The following MEGF8 variants were observed in gnomAD, a reference collection of about 807,000 sequenced individuals.
The protein encoded by MEGF8 is multiple epidermal growth factor-like domains protein 8.
A neutral mutation model predicts 302.9 loss-of-function variants in MEGF8; 156 were observed. The observed-to-expected ratio is 0.52, with a 90% CI of 0.45 to 0.59. MEGF8 has a LOEUF of 0.59. Ranked by LOEUF, MEGF8 falls within the 20% of genes least tolerant of loss-of-function variation. MEGF8 has a pLI of 0.00. For missense variants in MEGF8, 3,345 were observed against 3,964.5 expected (o/e 0.84, Z 4.20); for synonymous variants, 1,621 against 1,660.5 (o/e 0.98, Z 0.58).
At chr19:42,348,206 C>A (rs1404886034) in intron 12 of MEGF8, 66 bp from the exon 13 acceptor site, 1 of 1,410,368 alleles carries the variant, frequency 7.1e-7, no homozygotes, top group Non-Finnish European at 9.5e-7. Flanking sequence ...CCAGTCTTTT[C>A]TGGCTCTGAT....
At chr19:42,337,547 C>A (rs1222101963) in intron 8 of MEGF8, among the ~76,000 whole-genome samples, 7 of 149,754 alleles carry the variant, frequency 4.7e-5, no homozygotes, top group South Asian at 2.1e-4. Context: ...TCGCTGTTGC[C>A]CAGGCTGGAG....
rs754995245 is a variant in MEGF8 at position 42,333,706 on chromosome 19, C to G, written c.289C>G (p.Pro97Ala). The change falls in exon 2 of 42, where the codon CCG becomes GCG. Residue 97 changes from proline (P) to alanine (A), a missense_variant. Coordinates refer to ENST00000251268, the MANE Select transcript of MEGF8 (RefSeq NM_001271938.2). The stretch of plus-strand genomic sequence containing the variant: ...GTATGACGGTGACTCCCCGCGAGGG[C>G]CGCTGCTTGCCAGTCTAAGTGGGAG... Reference protein sequence around the residue: ...FVYDGDSPRGPLLASLSGSTR... With the variant: ...FVYDGDSPRGALLASLSGSTR... 4 of 1,614,014 alleles carry G rather than the reference C, an allele frequency of 2.5e-6. No homozygotes were observed. The Admixed American group carries it at 6.7e-5, about 27-fold the overall frequency.
chr19:42,353,478 G>C lies in MEGF8; in HGVS notation c.3564G>C (p.Gly1188=). 1 of 1,610,524 alleles carries C rather than the reference G, an allele frequency of 6.2e-7. No homozygotes were observed. The part of the protein sequence containing the change: ...FCDECQDWTW[G]EHCERCRPGS... ...GGGCCTCCACAGACTGGACATGGGG[G>C]GAGCACTGCGAACGATGCCGGCCCG... is the stretch of plus-strand genomic sequence containing the variant. Residue 1188 remains glycine (G), a synonymous_variant, in exon 21 of 42, where the codon GGG becomes GGC. Coordinates refer to ENST00000251268, the MANE Select transcript of MEGF8 (RefSeq NM_001271938.2). This position sits in a 1 kb window ranked among gnomAD's most constrained non-coding sequence, Gnocchi z 6.1.
chr19:42,361,729 C>A (rs1162646247), intron 32 of MEGF8, among the ~76,000 whole-genome samples: 2 of 151,908 alleles, frequency 1.3e-5, no homozygotes, highest in Admixed American at 6.6e-5. Flanking sequence ...CGGGCCTGGG[C>A]AGTGAGATCC....
rs766064922 is a variant in MEGF8 at position 42,369,731 on chromosome 19, G to T, written c.6834+8G>T. On this transcript the variant is annotated splice_region_variant and intron_variant, in intron 38 of 41. Coordinates refer to ENST00000251268, the MANE Select transcript of MEGF8 (RefSeq NM_001271938.2). This position sits in a 1 kb window ranked among gnomAD's most constrained non-coding sequence, Gnocchi z 5.7. ...TGCCGCAACCACACCAAGGTGGGCC[G>T]CCCGGAGCCTCAGACCCCCGACCCT... The T allele has an allele frequency of 2.1e-5, 34 of 1,593,590 alleles. No individual in the cohort carries two copies. Among genetic ancestry groups the T allele is most frequent in the Non-Finnish European group, 2.2e-5 (26 of 1,171,596 alleles).
intron 1 of MEGF8, among the ~76,000 whole-genome samples, chr19:42,327,740 T>C (rs749072726): frequency 1.3e-5 from 2 of 152,332 alleles, no homozygotes; most frequent in Middle Eastern, 3.4e-3. Flanking sequence ...AGAATAGCTG[T>C]GCAAAGGCGG....
In MEGF8 at chr19:42,351,128, A is replaced by G. The variant is rs1568565109; in HGVS notation, c.2737-88A>G. 8.9e-7 allele frequency: 1 copy of G among 1,121,336 alleles called. No homozygotes were observed. Among genetic ancestry groups the G allele is most frequent in the Non-Finnish European group, 1.3e-6 (1 of 786,548 alleles). 69.5% of individuals were successfully genotyped at this position (1,121,336 alleles called of 1,614,324 possible). A position where few individuals can be genotyped will look rare whatever the true frequency, so the allele number is the denominator to read the frequency against. On this transcript the variant is annotated intron_variant, in intron 15 of 41. Transcript: ENST00000251268. The surrounding 1 kb of genome is among the most constrained non-coding windows in gnomAD (Gnocchi z 5.6). The stretch of plus-strand genomic sequence containing the variant: ...AGATGGCCTTACAGGGACAGTCTGC[A>G]GGGTGGGGCAGGGGGTGGGATGGGC...
At position 42,357,107 on chromosome 19, in the gene MEGF8, A is replaced by T. The variant is rs1309870624; in HGVS notation, c.4830+126A>T. The T allele has an allele frequency of 9.5e-7, 1 of 1,052,302 alleles. No individual in the cohort carries two copies. Among genetic ancestry groups the T allele is most frequent in the Non-Finnish European group, 1.4e-6 (1 of 739,474 alleles). 65.2% of individuals were successfully genotyped at this position (1,052,302 alleles called of 1,614,324 possible). ...GCCCCAAACTTGAATTTCCTCGGCC[A>T]TCCTGGGTCACACTGTTGTCCTGAG... is the stretch of plus-strand genomic sequence containing the variant. On this transcript the variant is annotated intron_variant, in intron 27 of 41. Coordinates refer to ENST00000251268, the MANE Select transcript of MEGF8 (RefSeq NM_001271938.2). This position sits in a 1 kb window ranked among gnomAD's most constrained non-coding sequence, Gnocchi z 5.2.
intron 41 of MEGF8, among the ~76,000 whole-genome samples, chr19:42,374,946 A>G (rs936839647): frequency 1.1e-4 from 17 of 152,206 alleles, no homozygotes; most frequent in Admixed American, 6.5e-5. Context: ...GACAAGTGAC[A>G]GGAGAACCAT....
chr19:42,349,434 CA>C, intron 13 of MEGF8, 64 bp from the exon 14 acceptor site: 1 of 1,447,050 alleles, frequency 6.9e-7, no homozygotes, highest in Non-Finnish European at 9.4e-7. Flanking sequence ...TTGGAGGTAT[CA>C]GGGGTCTGAG....
chr19:42,333,057 T>A (rs960767487), intron 1 of MEGF8, among the ~76,000 whole-genome samples: 3 of 152,190 alleles, frequency 2.0e-5, no homozygotes, highest in African/African-American at 7.2e-5. Context: ...GGTGAGACTC[T>A]GGATGGGGAC....
At position 42,351,821 on chromosome 19, in the gene MEGF8, C is replaced by A; in HGVS notation, c.3101+60C>A. The A allele has an allele frequency of 1.5e-6, 2 of 1,378,874 alleles. No individual in the cohort carries two copies. The highest frequency in any genetic ancestry group is 2.5e-5 in the South Asian group (2 of 79,784). The allele number at this position is 1,378,874 out of a possible 1,614,324, so 85.4% of individuals were successfully genotyped here. A position where few individuals can be genotyped will look rare whatever the true frequency, so the allele number is the denominator to read the frequency against. ...GCTGTGTCCTTCCTCCATGACCGGT[C>A]ATTCTAATGGCCTCTTTGCTTCTCT... On this transcript the variant is annotated intron_variant, in intron 18 of 41. Coordinates refer to ENST00000251268, the MANE Select transcript of MEGF8 (RefSeq NM_001271938.2). This position sits in a 1 kb window ranked among gnomAD's most constrained non-coding sequence, Gnocchi z 5.6.
chr19:42,372,080 C>A (rs970992703), intron 41 of MEGF8, among the ~76,000 whole-genome samples: 88 of 139,430 alleles, frequency 6.3e-4, no homozygotes, highest in South Asian at 2.0e-3. Context: ...AACAAACACA[C>A]ACACACACAC....
At chr19:42,341,406 G>T (rs1480641967) in intron 8 of MEGF8, among the ~76,000 whole-genome samples, 5 of 138,226 alleles carry the variant, frequency 3.6e-5, no homozygotes, top group African/African-American at 1.4e-4. Flanking sequence ...TCCAGCCTGG[G>T]TAACAGAGGG....
chr19:42,360,779 G>T lies in MEGF8; in HGVS notation c.5493G>T (p.Ser1831=). ...NAWLLPDLTR[S]ASVGPPMEES... ...GAATACACCATCTTTCCTCAGGCTC[G>T]GCCTCTGTGGGGCCCCCAATGGAGG... Residue 1831 remains serine (S), a synonymous_variant, in exon 32 of 42, where the codon TCG becomes TCT. Coordinates refer to ENST00000251268, the MANE Select transcript of MEGF8 (RefSeq NM_001271938.2). The T allele has an allele frequency of 6.3e-7, 1 of 1,581,680 alleles. No individual in the cohort carries two copies. The highest frequency in any genetic ancestry group is 2.3e-5 in the East Asian group (1 of 43,202).
rs758384902 is a variant in MEGF8 at position 42,335,378 on chromosome 19, C to G, written c.821C>G (p.Pro274Arg). 2.5e-6 allele frequency: 4 copies of G among 1,613,874 alleles called. No homozygotes were observed. The highest frequency in any genetic ancestry group is 3.4e-6 in the Non-Finnish European group (4 of 1,179,862). ...ANTWESWDLSPAPAARHSHVA... is the reference protein window; with the variant it reads ...ANTWESWDLSRAPAARHSHVA... ...ACCTGGGAGTCTTGGGACCTGAGTC[C>G]TGCCCCGGTATGGACCCCTCCTCTG... The change falls in exon 5 of 42, where the codon CCT becomes CGT. Residue 274 changes from proline to arginine, a missense_variant. Coordinates refer to ENST00000251268, the MANE Select transcript of MEGF8 (RefSeq NM_001271938.2).
rs201847832 is a variant in MEGF8 at position 42,369,689 on chromosome 19, G to A, written c.6800G>A (p.Arg2267His). The change falls in exon 38 of 42, where the codon CGT becomes CAT. Residue 2267 changes from arginine to histidine, a missense_variant. Transcript: ENST00000251268. The surrounding 1 kb of genome is among the most constrained non-coding windows in gnomAD (Gnocchi z 5.7). ...RHSECAGVGA[R>H]DHCLLCRNHT... Reference sequence around the variant, plus strand: ...AGTGAATGCGCTGGTGTTGGGGCGCGTGACCACTGCTTGCTCTGCCGCAAC... The same window carrying A: ...AGTGAATGCGCTGGTGTTGGGGCGCATGACCACTGCTTGCTCTGCCGCAAC... The A allele has an allele frequency of 1.1e-5, 17 of 1,611,300 alleles. No individual in the cohort carries two copies. In the East Asian group the frequency reaches 2.2e-4, roughly 21 times the overall value.
At position 42,344,421 on chromosome 19, in the gene MEGF8, T is replaced by C; in HGVS notation, c.1789-20T>C. 1 of 1,565,862 alleles carries C rather than the reference T, an allele frequency of 6.4e-7. No homozygotes were observed. Among genetic ancestry groups the C allele is most frequent in the Non-Finnish European group, 8.6e-7 (1 of 1,161,408 alleles). ...TGAGCTCCAGTTGACAGTGAGCCCTTTCCCCTCTCCTCCTCGCAGTGTCCA... is the reference window on the plus strand; with the variant it reads ...TGAGCTCCAGTTGACAGTGAGCCCTCTCCCCTCTCCTCCTCGCAGTGTCCA... On this transcript the variant is annotated intron_variant, in intron 10 of 41. Transcript: ENST00000251268. This position sits in a 1 kb window ranked among gnomAD's most constrained non-coding sequence, Gnocchi z 4.5.
chr19:42,376,517 T>C lies in MEGF8; in HGVS notation c.8280T>C (p.Thr2760=), dbSNP rs1271104183. The C allele has an allele frequency of 2.5e-6, 4 of 1,577,188 alleles. No homozygotes were observed. Among genetic ancestry groups the C allele is most frequent in the Non-Finnish European group, 3.4e-6 (4 of 1,164,528 alleles). ...GCCCACCAGCCATCCCCGCCACCAC[T>C]GCTGGGCTGCGAGCTGGGCCCATCA... is the stretch of plus-strand genomic sequence containing the variant. ...GCCPPAIPAT[T]AGLRAGPITL... Residue 2760 remains threonine, a synonymous_variant, in exon 42 of 42, where the codon ACT becomes ACC. Coordinates refer to ENST00000251268, the MANE Select transcript of MEGF8 (RefSeq NM_001271938.2). This position sits in a 1 kb window ranked among gnomAD's most constrained non-coding sequence, Gnocchi z 8.2.
Sources: gnomAD v4.1 joint callset for allele counts (sites outside exome capture counted in the v4.1 genomes callset) on GRCh38, gnomAD v4.1.1 for gene constraint, Gnocchi (gnomAD v3.1) non-coding constraint, MANE v1.5 for transcripts, NCBI Gene and HGNC (gene_info 2026-07-23, HGNC 2026-07-21) for gene names.